EIF3F: variants seen among roughly 807,000 people sequenced by gnomAD.
The protein encoded by EIF3F is eukaryotic translation initiation factor 3 subunit F, also known as deubiquitinating enzyme eIF3f.
In EIF3F, 8 loss-of-function variants were observed where a neutral mutation model predicts 36.0. The observed-to-expected ratio is 0.22, with a 90% CI of 0.13 to 0.40. The LOEUF is 0.40. EIF3F is among the 10% of genes least tolerant of loss of function. The probability of loss-of-function intolerance (pLI) is 1.00; values close to 1 mark genes in which losing one functional copy is unlikely to be tolerated. For missense variants in EIF3F, 430 were observed against 467.6 expected (o/e 0.92, Z 0.74); for synonymous variants, 184 against 188.5 (o/e 0.98, Z 0.19).
Position 7,987,573 on chromosome 11 carries a change from C to A in EIF3F, c.221C>A (p.Ala74Glu). ...ASAQAPAQTPAPALPGPALPG... is the reference protein window; with the variant it reads ...ASAQAPAQTPEPALPGPALPG... ...GCGCAAGCTCCAGCGCAGACCCCAG[C>A]GCCCGCTCTGCCTGGTCCTGCTCTT... Residue 74 changes from alanine (A) to glutamate (E), a missense_variant, in exon 1 of 8, where the codon GCG becomes GAG. Ala to Glu is a moderately radical substitution (Grantham distance 107, BLOSUM62 -1). Transcript: ENST00000651655. 1 of 1,597,488 alleles carries A rather than the reference C, an allele frequency of 6.3e-7. No homozygotes were observed. The highest frequency in any genetic ancestry group is 8.5e-7 in the Non-Finnish European group (1 of 1,173,384).
chr11:7,991,315 G>A (rs1286615699), intron 1 of EIF3F, among the ~76,000 whole-genome samples: 1 of 152,188 alleles, frequency 6.6e-6, no homozygotes, highest in Admixed American at 6.5e-5. Context: ...ATAAGGTTAA[G>A]ACTGACCATG....
Position 7,987,654 on chromosome 11 carries a change from C to T in EIF3F, c.302C>T (p.Ser101Phe), listed in dbSNP as rs1445698015. 1.3e-6 allele frequency: 2 copies of T among 1,537,584 alleles called. No homozygotes were observed. The highest frequency in any genetic ancestry group is 1.7e-6 in the Non-Finnish European group (2 of 1,145,268). ...VVRLHPVILA[S>F]IVDSYERRNE... ...AGGCTGCACCCAGTCATTTTGGCCT[C>T]CATTGTGGACAGCTACGAGAGACGC... is the stretch of plus-strand genomic sequence containing the variant. The change falls in exon 1 of 8, where the codon TCC (serine) becomes TTC (phenylalanine). Residue 101 changes from serine (S) to phenylalanine (F), a missense_variant. Physicochemically the swap from Ser to Phe is radical, Grantham distance 155. Coordinates refer to ENST00000651655, the MANE Select transcript of EIF3F (RefSeq NM_003754.3).
chr11:7,988,576 ATT>A (rs1942055043), intron 1 of EIF3F, among the ~76,000 whole-genome samples: 1 of 152,242 alleles, frequency 6.6e-6, no homozygotes, highest in Admixed American at 6.5e-5. Context: ...GTCCCATGAA[ATT>A]CGTTTCCATT....
At position 7,997,807 on chromosome 11, in the gene EIF3F, C is replaced by T. The variant is rs745359485; in HGVS notation, c.*1785C>T. ...GTGGGTTCCACATCTATGGACTCAA[C>T]CAACTACAGGTTGAAAATATTGAGG... On this transcript the variant is annotated 3_prime_UTR_variant, in exon 8 of 8. Transcript: ENST00000651655. 2 of 152,198 alleles carry T rather than the reference C, an allele frequency of 1.3e-5. No individual in the cohort carries two copies. The highest frequency in any genetic ancestry group is 1.3e-4 in the Admixed American group (2 of 15,288). 9.4% of individuals were successfully genotyped at this position (152,198 alleles called of 1,614,324 possible).
At chr11:7,992,762 C>A (rs1942112280) in intron 3 of EIF3F, 125 bp from the exon 4 acceptor site, 2 of 1,200,974 alleles carry the variant, frequency 1.7e-6, no homozygotes, top group Admixed American at 1.9e-5. Flanking sequence ...TTGCTCTTGG[C>A]AGTTGGTGTC....
Position 8,000,060 on chromosome 11 carries a change from C to T in EIF3F, c.*4038C>T, listed in dbSNP as rs1942203188. The T allele has an allele frequency of 2.0e-5, 3 of 151,946 alleles. No individual in the cohort carries two copies. Among genetic ancestry groups the T allele is most frequent in the Admixed American group, 2.0e-4 (3 of 15,250 alleles). The allele number at this position is 151,946 out of a possible 1,614,324, so 9.4% of individuals were successfully genotyped here. ...CTCTACAAAAGATACAAAAATTAGCCAGGCATCTTGGAGGGCGCCTGTAAT... is the reference window on the plus strand; with the variant it reads ...CTCTACAAAAGATACAAAAATTAGCTAGGCATCTTGGAGGGCGCCTGTAAT... On this transcript the variant is annotated 3_prime_UTR_variant, in exon 8 of 8. Coordinates refer to ENST00000651655, the MANE Select transcript of EIF3F (RefSeq NM_003754.3).
At chr11:7,988,762 G>C (rs946336853) in intron 1 of EIF3F, among the ~76,000 whole-genome samples, 4 of 152,150 alleles carry the variant, frequency 2.6e-5, no homozygotes, top group African/African-American at 9.7e-5. Context: ...CATGTGACTT[G>C]GGGCAGATTA....
At chr11:7,991,750 T>C (rs987357722) in intron 1 of EIF3F, 31 bp from the exon 2 acceptor site, 24 of 1,612,452 alleles carry the variant, frequency 1.5e-5, no homozygotes, top group Non-Finnish European at 2.0e-5. Flanking sequence ...CCTAGGATTA[T>C]ATAACACATG....
At chr11:7,994,630 C>A in intron 5 of EIF3F, 113 bp downstream of exon 5, 3 of 980,614 alleles carry the variant, frequency 3.1e-6, no homozygotes, top group Admixed American at 2.5e-5. Flanking sequence ...GACTATTGAT[C>A]TAAGGTTTGT....
At chr11:7,988,746 A>G (rs11041700) in intron 1 of EIF3F, among the ~76,000 whole-genome samples, 237 of 152,300 alleles carry the variant, frequency 1.6e-3, no homozygotes, top group Non-Finnish European at 2.7e-3. Flanking sequence ...CTCACAAAAC[A>G]TTTGCCATGT....
chr11:7,995,161 C>T, intron 6 of EIF3F, 43 bp downstream of exon 6: 1 of 1,610,006 alleles, frequency 6.2e-7, no homozygotes, highest in Non-Finnish European at 8.5e-7. Context: ...ACATAGTTCT[C>T]TATCCTGGGA....
At chr11:7,990,448 A>G (rs144222476) in intron 1 of EIF3F, among the ~76,000 whole-genome samples, 187 of 152,326 alleles carry the variant, frequency 1.2e-3, no homozygotes, top group Non-Finnish European at 2.0e-3. Flanking sequence ...CACAAAAAAC[A>G]TTTCTAGATC....
rs367967692 is a variant in EIF3F, at chr11:7,995,277, T to C, written c.906T>C (p.Asn302=). 3 of 1,614,086 alleles carry C rather than the reference T, an allele frequency of 1.9e-6. No homozygotes were observed. Among genetic ancestry groups the C allele is most frequent in the Non-Finnish European group, 2.5e-6 (3 of 1,179,998 alleles). ...DVLSGKVSAD[N]TVGRFLMSLV... ...AGTCTGGAAAGGTGTCAGCTGACAATACTGTGGGCCGCTTCCTGATGAGCC... is the reference window on the plus strand; with the variant it reads ...AGTCTGGAAAGGTGTCAGCTGACAACACTGTGGGCCGCTTCCTGATGAGCC... The change falls in exon 7 of 8, where the codon AAT becomes AAC. Residue 302 remains asparagine, a synonymous_variant. Transcript: ENST00000651655.
Position 7,998,858 on chromosome 11 carries a change from T to C in EIF3F, c.*2836T>C, listed in dbSNP as rs533138351. 7 of 152,284 alleles carry C rather than the reference T, an allele frequency of 4.6e-5. No individual in the cohort carries two copies. In the East Asian group the frequency reaches 1.3e-3, roughly 29 times the overall value. 9.4% of individuals were successfully genotyped at this position (152,284 alleles called of 1,614,324 possible). On this transcript the variant is annotated 3_prime_UTR_variant, in exon 8 of 8. Transcript: ENST00000651655. ...CAGTGGTTTCATCATAGGTATTGAT[T>C]ATATTATAAATAGCCCAACCTGAAC...
intron 5 of EIF3F, chr11:7,994,775 A>G: frequency 1.3e-6 from 1 of 753,550 alleles, no homozygotes; most frequent in Non-Finnish European, 2.1e-6. Context: ...TGATGAGCAT[A>G]CCAGGTAAAA....
chr11:7,995,900 C>G, intron 7 of EIF3F, 45 bp from the exon 8 acceptor site: 1 of 1,581,448 alleles, frequency 6.3e-7, no homozygotes, highest in Non-Finnish European at 8.7e-7. Flanking sequence ...TTTTTGCTCC[C>G]TTTCCACCCA....
intron 1 of EIF3F, among the ~76,000 whole-genome samples, chr11:7,991,020 C>A (rs1037303917): frequency 1.6e-4 from 24 of 151,768 alleles, no homozygotes; most frequent in Non-Finnish European, 2.9e-4. Context: ...CATGGTGAAA[C>A]CCCGTCTCTA....
At chr11:7,988,860 G>A (rs1455491999) in intron 1 of EIF3F, among the ~76,000 whole-genome samples, 1 of 152,172 alleles carries the variant, frequency 6.6e-6, no homozygotes, top group African/African-American at 2.4e-5. Context: ...GCACACATTA[G>A]GTACAGCTGT....
Position 7,987,337 on chromosome 11 carries a change from C to G in EIF3F, c.-16C>G. On this transcript the variant is annotated 5_prime_UTR_variant, in exon 1 of 8. Coordinates refer to ENST00000651655, the MANE Select transcript of EIF3F (RefSeq NM_003754.3). ...ATGCTGTCATTTCCGCTTCCGCCTC[C>G]TTCTTTCTCGACAAGATGGCCACAC... 2 of 1,587,868 alleles carry G rather than the reference C, an allele frequency of 1.3e-6. No homozygotes were observed. Among genetic ancestry groups the G allele is most frequent in the Middle Eastern group, 3.3e-4 (2 of 6,000 alleles).
Sources: allele counts gnomAD v4.1 joint callset (sites outside exome capture counted in the v4.1 genomes callset), GRCh38; gene constraint gnomAD v4.1.1; transcripts MANE v1.5; gene names NCBI Gene and HGNC (gene_info 2026-07-23, HGNC 2026-07-21).